AP3D1: variants seen among roughly 807,000 people sequenced by gnomAD.
The protein encoded by AP3D1 is adaptor related protein complex 3 subunit delta 1, also known as AP-3 complex subunit delta-1.
Under a neutral mutation model 147.6 loss-of-function variants are expected in AP3D1, and 51 were observed. That is an observed-to-expected ratio of 0.35 (90% CI 0.28 to 0.44). AP3D1 has a LOEUF of 0.44. AP3D1 is among the 20% of genes least tolerant of loss of function. The pLI, the probability that AP3D1 is intolerant of heterozygous loss-of-function variation, is 1.00. For missense variants in AP3D1, 1,421 were observed against 1,624.2 expected (o/e 0.87, Z 2.15); for synonymous variants, 760 against 663.0 (o/e 1.15, Z -2.25).
chr19:2,125,288 C>G (rs1332087469), intron 9 of AP3D1, among the ~76,000 whole-genome samples: 1 of 152,140 alleles, frequency 6.6e-6, no homozygotes, highest in East Asian at 1.9e-4. Flanking sequence ...CACACCCAAT[C>G]TTTGTAGGAG....
chr19:2,121,975 G>A (rs2145072414), intron 11 of AP3D1, 96 bp from the exon 12 acceptor site: 1 of 1,427,844 alleles, frequency 7.0e-7, no homozygotes, highest in South Asian at 1.5e-5. Flanking sequence ...TCCACCTCGG[G>A]AGGCTGCCTG....
Position 2,121,947 on chromosome 19 carries a change from G to A in AP3D1, c.956-68C>T, listed in dbSNP as rs569472561. The A allele has an allele frequency of 4.7e-5, 71 of 1,505,500 alleles. No homozygotes were observed. In the African/African-American group the frequency reaches 8.7e-4, roughly 19 times the overall value. 93.3% of individuals were successfully genotyped at this position (1,505,500 alleles called of 1,614,324 possible). On this transcript the variant is annotated intron_variant, in intron 11 of 31. Transcript: ENST00000643116. ...GCAGCAGGGTGCAGGCAGGGCCCAC[G>A]GCTCTCCGGGCCGGGTCTCCACCTC...
chr19:2,160,183 A>G (rs1223875683), intron 1 of AP3D1, among the ~76,000 whole-genome samples: 1 of 152,188 alleles, frequency 6.6e-6, no homozygotes, highest in African/African-American at 2.4e-5. Context: ...CAAACCTGTA[A>G]CAGGAACTAT....
chr19:2,116,320 G>A, intron 17 of AP3D1, 42 bp from the exon 18 acceptor site: 3 of 1,592,696 alleles, frequency 1.9e-6, no homozygotes, highest in Non-Finnish European at 2.6e-6. Context: ...GAAGCGGGCA[G>A]GATACCCCTC....
chr19:2,151,652 C>G (rs371870626), upstream of AP3D1: 130 of 153,188 alleles, frequency 8.5e-4, no homozygotes, highest in Middle Eastern at 0.014. Context: ...GCCACCTCCC[C>G]GGCAGGGAGA....
At chr19:2,136,640 C>T (rs75902463) in intron 4 of AP3D1, among the ~76,000 whole-genome samples, 5,792 of 152,300 alleles carry the variant, frequency 0.038, 188 homozygotes, top group East Asian at 0.14. Flanking sequence ...CCCACATGGG[C>T]AGGGAAGGGC....
intron 1 of AP3D1, among the ~76,000 whole-genome samples, chr19:2,162,579 T>C (rs2019733193): frequency 6.6e-6 from 1 of 151,334 alleles, no homozygotes; most frequent in Admixed American, 6.6e-5. Flanking sequence ...GAGAAATCTC[T>C]TGAGCCTGGG....
intron 1 of AP3D1, among the ~76,000 whole-genome samples, chr19:2,149,831 G>C (rs1257970357): frequency 6.6e-6 from 1 of 152,220 alleles, no homozygotes; most frequent in Non-Finnish European, 1.5e-5. Flanking sequence ...TGCAGAAAAA[G>C]TCCTCTCGGG....
intron 20 of AP3D1, 84 bp from the exon 21 acceptor site, chr19:2,114,905 G>A (rs1191773804): frequency 7.1e-7 from 1 of 1,417,026 alleles, no homozygotes; most frequent in Non-Finnish European, 1.0e-6. Flanking sequence ...CAGTGGGACT[G>A]CCCATGCGGG....
chr19:2,152,302 G>A (rs2019555209), upstream of AP3D1, among the ~76,000 whole-genome samples: 1 of 152,172 alleles, frequency 6.6e-6, no homozygotes, highest in Non-Finnish European at 1.5e-5. Flanking sequence ...AGCACTTTGA[G>A]AGGCCGTAAG....
intron 4 of AP3D1, among the ~76,000 whole-genome samples, chr19:2,133,821 A>T (rs1352466777): frequency 6.8e-6 from 1 of 147,604 alleles, no homozygotes; most frequent in Admixed American, 6.7e-5. Context: ...TTTTAAAAGG[A>T]CACAGTGGCC....
Position 2,141,274 on chromosome 19 carries a change from G to A in AP3D1, c.97-2560C>T, listed in dbSNP as rs2019212682. Among the ~76,000 whole-genome samples, 3 of 151,954 alleles carry A rather than the reference G, an allele frequency of 2.0e-5. No homozygotes were observed. The South Asian group carries it at 6.2e-4, about 32-fold the overall frequency. On this transcript the variant is annotated intron_variant, in intron 1 of 31. Transcript: ENST00000643116. ...CACTAAATTCACACTTCACCACACA[G>A]CAAGTGAGATACTAAAACAATGATG...
chr19:2,153,481 G>C (rs1462812136), upstream of AP3D1, among the ~76,000 whole-genome samples: 1 of 152,148 alleles, frequency 6.6e-6, no homozygotes, highest in Non-Finnish European at 1.5e-5. Context: ...TTTGAGACCA[G>C]CGTGGCCAAC....
upstream of AP3D1, among the ~76,000 whole-genome samples, chr19:2,152,368 C>T (rs2019558491): frequency 6.6e-6 from 1 of 151,560 alleles, no homozygotes; most frequent in South Asian, 2.1e-4. Context: ...CATGGTGAAA[C>T]CCTGTCTCTA....
At chr19:2,137,592 A>G (rs1364767624) in intron 3 of AP3D1, 135 bp downstream of exon 3, 3 of 747,240 alleles carry the variant, frequency 4.0e-6, no homozygotes, top group Non-Finnish European at 6.8e-6. Context: ...CTGGGATTAC[A>G]GGCCACTGAA....
intron 31 of AP3D1, among the ~76,000 whole-genome samples, chr19:2,106,121 G>A (rs181895666): frequency 9.2e-5 from 14 of 152,240 alleles, no homozygotes; most frequent in Admixed American, 2.0e-4. Flanking sequence ...CTGTCAGCAC[G>A]ATGACGACAG....
upstream of AP3D1, chr19:2,164,470 G>A (rs1342498053): frequency 2.9e-6 from 1 of 343,246 alleles, no homozygotes; most frequent in African/African-American, 2.2e-5. Flanking sequence ...CCGCGCGCCT[G>A]GGGTGGGAGC....
At position 2,112,864 on chromosome 19, in the gene AP3D1, T is replaced by G. The variant is rs1326275586; in HGVS notation, c.2783A>C (p.Asp928Ala). Residue 928 changes from aspartate (D) to alanine (A), a missense_variant, in exon 24 of 32, where the codon GAC becomes GCC. This residue lies in a region of AP3D1 where 791 missense variants were observed against 761.4 expected (regional missense o/e 1.04). Transcript: ENST00000643116. ...CTGGGGGAGTGACAGCCTCACCTTG[T>G]CCTGGTCTTGCCCCTCGGCATCGTC... ...EEDDAEGQDQ[D>A]KKSPKPKKKK... The G allele has an allele frequency of 6.2e-7, 1 of 1,610,728 alleles. No individual in the cohort carries two copies. The highest frequency in any genetic ancestry group is 1.3e-5 in the African/African-American group (1 of 74,982).
At chr19:2,116,327 C>A (rs1009806181) in intron 17 of AP3D1, 49 bp from the exon 18 acceptor site, 2 of 1,569,540 alleles carry the variant, frequency 1.3e-6, no homozygotes, top group Non-Finnish European at 1.7e-6. Context: ...GCAGGATACC[C>A]CTCTGTGGAC....
Sources: gnomAD v4.1 joint callset for allele counts (sites outside exome capture counted in the v4.1 genomes callset) on GRCh38, gnomAD v4.1.1 for gene constraint, gnomAD v4.1.1 regional missense constraint, MANE v1.5 for transcripts, NCBI Gene and HGNC (gene_info 2026-07-23, HGNC 2026-07-21) for gene names.